DACH1: variants seen among roughly 807,000 people sequenced by gnomAD.
DACH1 encodes the protein dachshund family transcription factor 1.
A neutral mutation model predicts 54.2 loss-of-function variants in DACH1; 12 were observed. The observed-to-expected ratio is 0.22, with a 90% CI of 0.14 to 0.36. The LOEUF is 0.36. Ranked by LOEUF, DACH1 falls within the 10% of genes least tolerant of loss-of-function variation. The pLI is 1.00. For missense variants in DACH1, 805 were observed against 929.8 expected (o/e 0.87, Z 1.75); for synonymous variants, 386 against 366.2 (o/e 1.05, Z -0.62).
chr13:71,516,514 C>T lies in DACH1; in HGVS notation c.1571-27366G>A, dbSNP rs566309875. On this transcript the variant is annotated intron_variant, in intron 6 of 10. Transcript: ENST00000613252. ...CTAGCAGCTGTCAAACGCCTTATGA[C>T]TTAATGAAGTCCAGCCCAACAGTCT... Among the ~76,000 whole-genome samples, 5 of 151,988 alleles carry T rather than the reference C, an allele frequency of 3.3e-5. No individual in the cohort carries two copies. The South Asian group carries it at 8.3e-4, about 25-fold the overall frequency.
chr13:71,811,140 AT>A (rs1296500604), intron 1 of DACH1, among the ~76,000 whole-genome samples: 1 of 152,096 alleles, frequency 6.6e-6, no homozygotes, highest in Non-Finnish European at 1.5e-5. Context: ...AAAGGTTCTT[AT>A]TAATTTATTA....
chr13:71,560,156 T>A (rs140179460), intron 4 of DACH1, among the ~76,000 whole-genome samples: 146 of 152,264 alleles, frequency 9.6e-4, no homozygotes, highest in Middle Eastern at 3.4e-3. Flanking sequence ...TATGAAACTA[T>A]GGTTCTACAG....
rs139394387 is a variant in DACH1 at position 71,646,470 on chromosome 13, A to C, written c.965-15753T>G. Among the ~76,000 whole-genome samples the C allele has an allele frequency of 2.5e-3, 386 of 152,310 alleles. 4 individuals carry two copies. The highest frequency in any genetic ancestry group is 9.0e-3 in the African/African-American group (374 of 41,576). ...AGGAAAAAGTAGTGTTGATAATTGC[A>C]GAGTCTAATACATGTCATAAAAACA... On this transcript the variant is annotated intron_variant, in intron 2 of 10. Transcript: ENST00000613252.
chr13:71,712,326 T>C (rs1458858748), intron 1 of DACH1, among the ~76,000 whole-genome samples: 1 of 152,068 alleles, frequency 6.6e-6, no homozygotes, highest in East Asian at 1.9e-4. Flanking sequence ...GGACAAAAAT[T>C]AAATTGAAAT....
chr13:71,632,590 A>G (rs1164321052), intron 2 of DACH1, among the ~76,000 whole-genome samples: 1 of 152,076 alleles, frequency 6.6e-6, no homozygotes, highest in African/African-American at 2.4e-5. Context: ...ATTCTAGCAA[A>G]TAAGTTACTG....
intron 4 of DACH1, among the ~76,000 whole-genome samples, chr13:71,568,739 G>C (rs1304602295): frequency 1.3e-5 from 2 of 151,964 alleles, no homozygotes; most frequent in African/African-American, 4.8e-5. Context: ...CTCCATTATG[G>C]GGGAAGCTGA....
intron 3 of DACH1, among the ~76,000 whole-genome samples, chr13:71,617,105 G>A (rs1222586562): frequency 6.6e-6 from 1 of 152,016 alleles, no homozygotes; most frequent in Non-Finnish European, 1.5e-5. Flanking sequence ...CAGACCTCAG[G>A]TGATCTACCT....
intron 6 of DACH1, among the ~76,000 whole-genome samples, chr13:71,556,152 T>A (rs183290918): frequency 6.6e-6 from 1 of 152,162 alleles, no homozygotes; most frequent in Non-Finnish European, 1.5e-5. Flanking sequence ...GTTCAATTAT[T>A]TAAATACCCA....
chr13:71,745,160 T>A (rs1477696668), intron 1 of DACH1, among the ~76,000 whole-genome samples: 1 of 152,190 alleles, frequency 6.6e-6, no homozygotes, highest in Non-Finnish European at 1.5e-5. Flanking sequence ...TGTTTCAAAA[T>A]AAGTCTCTCT....
At chr13:71,465,569 GTAGTCA>G (rs770585210) in intron 10 of DACH1, among the ~76,000 whole-genome samples, 5 of 151,938 alleles carry the variant, frequency 3.3e-5, no homozygotes, top group African/African-American at 4.8e-5. Context: ...TTCAGCTTTT[GTAGTCA>G]TTATATACAT....
rs536033817 is a variant in DACH1 at position 71,645,054 on chromosome 13, G to A, written c.965-14337C>T. ...GTTTCGAAAAATGTGGTTAAGCCTA[G>A]ATACCAGAATCCAAAGCAAGTTGGA... On this transcript the variant is annotated intron_variant, in intron 2 of 10. Transcript: ENST00000613252. Among the ~76,000 whole-genome samples, 7 of 152,262 alleles carry A rather than the reference G, an allele frequency of 4.6e-5. No homozygotes were observed. In the South Asian group the frequency reaches 1.5e-3, roughly 32 times the overall value.
chr13:71,817,790 TTTTC>T (rs201822780), intron 1 of DACH1, among the ~76,000 whole-genome samples: 4 of 150,492 alleles, frequency 2.7e-5, no homozygotes, highest in African/African-American at 4.9e-5. Context: ...CTACTAAATA[TTTTC>T]TTTCTTTCTT....
At chr13:71,748,937 T>C (rs1884788199) in intron 1 of DACH1, among the ~76,000 whole-genome samples, 1 of 50,254 alleles carries the variant, frequency 2.0e-5, no homozygotes. Context: ...TCTTTCTTTC[T>C]TTCTTTCTTT....
intron 10 of DACH1, among the ~76,000 whole-genome samples, chr13:71,442,156 C>A (rs1381732510): frequency 6.6e-6 from 1 of 151,860 alleles, no homozygotes; most frequent in Non-Finnish European, 1.5e-5. Flanking sequence ...TTTTTGAACC[C>A]ATTAACTATC....
intron 3 of DACH1, among the ~76,000 whole-genome samples, chr13:71,622,130 C>T (rs946538945): frequency 1.3e-5 from 2 of 151,934 alleles, no homozygotes; most frequent in African/African-American, 4.8e-5. Flanking sequence ...TTTATTATCG[C>T]TTAGTTTCAC....
rs563698479 is a variant in DACH1, at chr13:71,475,240, T to C, written c.2015-31A>G. Reference sequence around the variant, plus strand: ...AGCACAGAAAGGTAAGAGTGACACATATTTCATTTGATTCCTATTGTCCTT... The same window carrying C: ...AGCACAGAAAGGTAAGAGTGACACACATTTCATTTGATTCCTATTGTCCTT... On this transcript the variant is annotated intron_variant, in intron 9 of 10. Coordinates refer to ENST00000613252, the MANE Select transcript of DACH1 (RefSeq NM_080759.6). The C allele has an allele frequency of 1.9e-6, 3 of 1,573,008 alleles. No individual in the cohort carries two copies. The African/African-American group carries it at 4.0e-5, about 21-fold the overall frequency.
intron 5 of DACH1, among the ~76,000 whole-genome samples, chr13:71,559,054 T>C (rs1884429271): frequency 6.6e-6 from 1 of 152,086 alleles, no homozygotes; most frequent in Admixed American, 6.6e-5. Context: ...ATCAAACAAG[T>C]TATTCTCTTT....
intron 3 of DACH1, among the ~76,000 whole-genome samples, chr13:71,628,531 T>C (rs1262248690): frequency 2.6e-5 from 4 of 151,984 alleles, no homozygotes; most frequent in Non-Finnish European, 5.9e-5. Flanking sequence ...TCTAGGAAAA[T>C]TCAAGTAAAT....
intron 3 of DACH1, among the ~76,000 whole-genome samples, chr13:71,574,863 T>G (rs1885434658): frequency 6.6e-6 from 1 of 152,084 alleles, no homozygotes; most frequent in South Asian, 2.1e-4. Context: ...GCTCCTACAC[T>G]GTGATATAAA....
Sources: gnomAD v4.1 joint callset for allele counts (sites outside exome capture counted in the v4.1 genomes callset) on GRCh38, gnomAD v4.1.1 for gene constraint, MANE v1.5 for transcripts, NCBI Gene and HGNC (gene_info 2026-07-23, HGNC 2026-07-21) for gene names.